Variants in ADGRB3 observed in about 807,000 individuals in gnomAD.
ADGRB3 encodes the protein brain-specific angiogenesis inhibitor 3.
Under a neutral mutation model 193.4 loss-of-function variants are expected in ADGRB3, and 37 were observed. The observed-to-expected ratio is 0.19, with a 90% CI of 0.15 to 0.25. The LOEUF (loss-of-function observed/expected upper bound fraction) is 0.25. ADGRB3 is among the 10% of genes least tolerant of loss of function. The pLI, the probability that ADGRB3 is intolerant of heterozygous loss-of-function variation, is 1.00. For synonymous variants in ADGRB3, 690 were observed against 644.2 expected (o/e 1.07, Z -1.08); for missense variants, 1,637 against 1,852.9 (o/e 0.88, Z 2.14).
chr6:69,054,081 G>T (rs1348093510), intron 15 of ADGRB3, among the ~76,000 whole-genome samples: 1 of 151,988 alleles, frequency 6.6e-6, no homozygotes, highest in African/African-American at 2.4e-5. Flanking sequence ...TAACATTAAA[G>T]ACATTATAAA....
intron 20 of ADGRB3, among the ~76,000 whole-genome samples, chr6:69,254,708 C>CT (rs1233475191): frequency 4.2e-5 from 6 of 144,244 alleles, no homozygotes; most frequent in African/African-American, 1.0e-4. Context: ...TTTTTTTTTT[C>CT]TTTTTTTTAT....
chr6:68,988,836 A>G (rs1243904764), intron 10 of ADGRB3, among the ~76,000 whole-genome samples: 1 of 152,134 alleles, frequency 6.6e-6, no homozygotes, highest in East Asian at 1.9e-4. Context: ...AACCCTATGC[A>G]TTCTCAGGCC....
intron 17 of ADGRB3, among the ~76,000 whole-genome samples, chr6:69,183,792 A>G (rs62406821): frequency 0.14 from 21,462 of 152,040 alleles, 1,568 homozygotes; most frequent in Middle Eastern, 0.16. Flanking sequence ...AAAAGATATG[A>G]ATGTAAATTA....
chr6:68,776,623 A>G (rs1404524521), intron 3 of ADGRB3, among the ~76,000 whole-genome samples: 1 of 152,152 alleles, frequency 6.6e-6, no homozygotes, highest in Non-Finnish European at 1.5e-5. Context: ...TGGGAGAGAG[A>G]ACTGCCAATC....
chr6:69,232,799 A>G (rs1447181849), intron 17 of ADGRB3, among the ~76,000 whole-genome samples: 31 of 152,198 alleles, frequency 2.0e-4, no homozygotes, highest in Admixed American at 2.0e-3. Flanking sequence ...ACCCAATCCA[A>G]GCTATGTAAC....
intron 13 of ADGRB3, among the ~76,000 whole-genome samples, chr6:69,020,631 T>C (rs1055552626): frequency 6.6e-5 from 10 of 151,994 alleles, no homozygotes; most frequent in African/African-American, 9.7e-5. Flanking sequence ...CTGAGGATAG[T>C]GTGATTGTTC....
intron 3 of ADGRB3, among the ~76,000 whole-genome samples, chr6:68,690,995 C>A (rs1271150579): frequency 6.6e-6 from 1 of 152,040 alleles, no homozygotes; most frequent in East Asian, 1.9e-4. Flanking sequence ...CAACTGAACA[C>A]TTTATCCAAC....
At chr6:68,947,975 A>C (rs993019174) in intron 6 of ADGRB3, among the ~76,000 whole-genome samples, 3 of 152,102 alleles carry the variant, frequency 2.0e-5, no homozygotes, top group African/African-American at 7.2e-5. Flanking sequence ...TGAATTACTT[A>C]AGGGATTTGA....
rs574068506 is a variant in ADGRB3 at position 69,126,408 on chromosome 6, A to G, written c.2480+50370A>G. Among the ~76,000 whole-genome samples, 13 of 152,318 alleles carry G rather than the reference A, an allele frequency of 8.5e-5. 1 individual carries two copies. The South Asian group carries it at 2.1e-3, about 24-fold the overall frequency. On this transcript the variant is annotated intron_variant, in intron 17 of 31. Transcript: ENST00000370598. ...GGTAGAGTGGCTCAGTCCAAGCCCA[A>G]CGGCCTCAGAACTGTGGAAGCCACT...
At chr6:68,921,037 A>G (rs1405081919) in intron 3 of ADGRB3, among the ~76,000 whole-genome samples, 1 of 152,100 alleles carries the variant, frequency 6.6e-6, no homozygotes, top group Non-Finnish European at 1.5e-5. Context: ...AAATTAGGAT[A>G]TCTCGAGAAA....
At chr6:69,042,753 G>T (rs1771109360) in intron 13 of ADGRB3, among the ~76,000 whole-genome samples, 1 of 151,978 alleles carries the variant, frequency 6.6e-6, no homozygotes, top group Non-Finnish European at 1.5e-5. Context: ...TTGATAACTG[G>T]GCAATTTTCT....
At chr6:68,771,840 C>T (rs1766624173) in intron 3 of ADGRB3, among the ~76,000 whole-genome samples, 1 of 152,022 alleles carries the variant, frequency 6.6e-6, no homozygotes, top group Non-Finnish European at 1.5e-5. Flanking sequence ...GGTTGCAGAA[C>T]AGAGAAAATA....
At chr6:68,687,496 G>A (rs536930688) in intron 3 of ADGRB3, among the ~76,000 whole-genome samples, 81 of 152,080 alleles carry the variant, frequency 5.3e-4, no homozygotes, top group African/African-American at 1.8e-3. Context: ...AGGTATATGC[G>A]ATGCATATTT....
intron 3 of ADGRB3, among the ~76,000 whole-genome samples, chr6:68,881,504 C>T (rs749033308): frequency 1.3e-5 from 2 of 152,110 alleles, no homozygotes; most frequent in East Asian, 1.9e-4. Flanking sequence ...CACGAGTACA[C>T]GGATGACTAA....
intron 29 of ADGRB3, among the ~76,000 whole-genome samples, chr6:69,367,910 C>T (rs1769612813): frequency 6.7e-6 from 1 of 148,810 alleles, no homozygotes; most frequent in African/African-American, 2.5e-5. Context: ...AAACCAAACA[C>T]CGCATATTCT....
chr6:69,274,621 C>CCCTT (rs1185200607), intron 20 of ADGRB3, among the ~76,000 whole-genome samples: 1 of 92,636 alleles, frequency 1.1e-5, no homozygotes. Context: ...CTCCCTCCCT[C>CCCTT]CCTTCCTTCC....
chr6:68,644,696 C>T (rs1333352276), intron 3 of ADGRB3, among the ~76,000 whole-genome samples: 1 of 152,082 alleles, frequency 6.6e-6, no homozygotes, highest in African/African-American at 2.4e-5. Context: ...ACAATTATTC[C>T]GTTTGCCATC....
intron 20 of ADGRB3, among the ~76,000 whole-genome samples, chr6:69,268,286 G>T (rs930104953): frequency 1.6e-4 from 25 of 152,028 alleles, no homozygotes; most frequent in African/African-American, 6.0e-4. Context: ...GTTAATAATA[G>T]AATTATTTGA....
chr6:68,895,855 C>A (rs980223640), intron 3 of ADGRB3, among the ~76,000 whole-genome samples: 7 of 151,370 alleles, frequency 4.6e-5, no homozygotes, highest in Admixed American at 6.6e-5. Flanking sequence ...AGTTGATCTG[C>A]ACTAGCAGAC....
Sources: allele counts gnomAD v4.1 joint callset (sites outside exome capture counted in the v4.1 genomes callset), GRCh38; gene constraint gnomAD v4.1.1; transcripts MANE v1.5; gene names NCBI Gene and HGNC (gene_info 2026-07-23, HGNC 2026-07-21).